Variants in BNIP5 observed in about 807,000 individuals in gnomAD.
BNIP5 encodes the protein protein BNIP5.
Under a neutral mutation model 67.3 loss-of-function variants are expected in BNIP5, and 61 were observed. The observed-to-expected ratio is 0.91, with a 90% CI of 0.74 to 1.12. BNIP5 has a LOEUF of 1.12. BNIP5 is among the 50% of genes most tolerant of loss of function. The probability of loss-of-function intolerance (pLI) is 0.00; values close to 1 mark genes in which losing one functional copy is unlikely to be tolerated. For missense variants in BNIP5, 826 were observed against 816.3 expected, an observed-to-expected ratio of 1.01 and a Z score of -0.14; for synonymous variants, 317 against 319.0, an observed-to-expected ratio of 0.99 and a Z score of 0.07.
chr6:36,325,135 G>T, intron 6 of BNIP5, 148 bp downstream of exon 6: 1 of 825,060 alleles, frequency 1.2e-6, no homozygotes, highest in Non-Finnish European at 2.0e-6. Context: ...CTGGGCTCTG[G>T]GCCCCAAGCT....
chr6:36,330,116 C>T lies in BNIP5; in HGVS notation c.575G>A (p.Arg192His), dbSNP rs41272160. The T allele has an allele frequency of 1.2e-3, 1,962 of 1,610,526 alleles. 6 individuals carry two copies. Among genetic ancestry groups the T allele is most frequent in the South Asian group, 5.3e-3 (486 of 91,024 alleles). The change falls in exon 2 of 12, where the codon CGC (arginine) becomes CAC (histidine). Residue 192 changes from arginine to histidine, a missense_variant. Transcript: ENST00000437635. ...TGGGCCCAGGTCAGCCTCCCCGGAG[C>T]GCAAGGCAGCAGCTGCCTTGGACAA... The part of the protein sequence containing the change: ...EGLSKAAAAL[R>H]SGEADLGPAR...
chr6:36,329,324 C>T (rs1223369469), intron 2 of BNIP5, among the ~76,000 whole-genome samples: 1 of 152,228 alleles, frequency 6.6e-6, no homozygotes, highest in Non-Finnish European at 1.5e-5. Flanking sequence ...AGCTATTGTG[C>T]ACTAAGCACT....
intron 10 of BNIP5, among the ~76,000 whole-genome samples, chr6:36,320,865 A>C (rs1344776371): frequency 2.0e-5 from 3 of 152,218 alleles, no homozygotes; most frequent in African/African-American, 4.8e-5. Flanking sequence ...CATGAGCCGA[A>C]CTTCAATAGC....
chr6:36,330,806 C>T, intron 1 of BNIP5, 112 bp from the exon 2 acceptor site: 3 of 1,372,118 alleles, frequency 2.2e-6, no homozygotes, highest in Non-Finnish European at 2.9e-6. Context: ...GTCTATTGCC[C>T]AGGCTGGAGT....
In BNIP5 at chr6:36,330,475, G is replaced by A. The variant is rs368964821; in HGVS notation, c.216C>T (p.Thr72=). The change falls in exon 2 of 12, where the codon ACC becomes ACT. Residue 72 remains threonine (T), a synonymous_variant. Transcript: ENST00000437635. ...TCTCCTCGGGAGTGGGGGCTGCAGC[G>A]GTGGTGCAGTGAGCCTCTGCAGATG... is the stretch of plus-strand genomic sequence containing the variant. ...PAPSAEAHCT[T]AAAPTPEETG... is the part of the protein sequence containing the mutation. The A allele has an allele frequency of 3.6e-5, 58 of 1,614,082 alleles. No individual in the cohort carries two copies. The highest frequency in any genetic ancestry group is 1.6e-4 in the Middle Eastern group (1 of 6,084).
At chr6:36,318,722 C>CA (rs1279452456) in intron 11 of BNIP5, among the ~76,000 whole-genome samples, 21 of 150,682 alleles carry the variant, frequency 1.4e-4, no homozygotes, top group Admixed American at 9.3e-4. Context: ...GACCCTGTCT[C>CA]AAAAAAAAAT....
intron 6 of BNIP5, among the ~76,000 whole-genome samples, chr6:36,324,441 C>A (rs1365023326): frequency 6.6e-6 from 1 of 150,970 alleles, no homozygotes; most frequent in Non-Finnish European, 1.5e-5. Flanking sequence ...TACAGGTGCC[C>A]TCATCCTGCA....
chr6:36,329,496 G>A (rs1044827817), intron 2 of BNIP5, among the ~76,000 whole-genome samples: 25 of 152,126 alleles, frequency 1.6e-4, no homozygotes, highest in African/African-American at 5.1e-4. Context: ...GCTCAGCCAC[G>A]GTGCTGTTCT....
intron 9 of BNIP5, 42 bp from the exon 10 acceptor site, chr6:36,321,261 G>C: frequency 2.1e-6 from 3 of 1,419,666 alleles, no homozygotes; most frequent in African/African-American, 1.4e-5. Context: ...TTGACTGGGT[G>C]ATGCCCAGTT....
At chr6:36,332,432 C>G (rs1475538715) in intron 1 of BNIP5, among the ~76,000 whole-genome samples, 2 of 152,166 alleles carry the variant, frequency 1.3e-5, no homozygotes, top group Non-Finnish European at 2.9e-5. Context: ...TGTTTCCTGT[C>G]TGAGTCTCTC....
rs1434121797 is a variant in BNIP5, at chr6:36,326,691, T to G, written c.855A>C (p.Lys285Asn). 1.2e-6 allele frequency: 2 copies of G among 1,614,078 alleles called. No homozygotes were observed. Among genetic ancestry groups the G allele is most frequent in the Non-Finnish European group, 1.7e-6 (2 of 1,180,048 alleles). ...LPNPAPAVRK[K>N]SQEKKTSLKR... ...TGAGGCTTGTCTTTTTCTCTTGGGA[T>G]TTCTTCCTAACAGCTGGTGCTGGGT... is the stretch of plus-strand genomic sequence containing the variant. The change falls in exon 5 of 12, where the codon AAA becomes AAC. Residue 285 changes from lysine (K) to asparagine (N), a missense_variant. Transcript: ENST00000437635.
At position 36,322,419 on chromosome 6, in the gene BNIP5, C is replaced by T; in HGVS notation, c.1495G>A (p.Glu499Lys). 1 of 1,613,846 alleles carries T rather than the reference C, an allele frequency of 6.2e-7. No homozygotes were observed. Among genetic ancestry groups the T allele is most frequent in the African/African-American group, 1.3e-5 (1 of 74,960 alleles). Residue 499 changes from glutamate (E) to lysine (K), a missense_variant, in exon 9 of 12, where the codon GAG becomes AAG. Coordinates refer to ENST00000437635, the MANE Select transcript of BNIP5 (RefSeq NM_001010903.5). ...GGCTCCCCTTCTGCGGGCAGGGGCT[C>T]CCGGCACTCGAGATCTTCTGGATCT... ...SLDPEDLECR[E>K]PLPAEGEPVV... is the part of the protein sequence containing the mutation.
At chr6:36,321,035 G>A (rs911116613) in intron 10 of BNIP5, 120 bp downstream of exon 10, 10 of 635,262 alleles carry the variant, frequency 1.6e-5, no homozygotes, top group Non-Finnish European at 2.5e-5. Flanking sequence ...AGAGGAAACC[G>A]AGACTCAGAG....
chr6:36,318,331 G>A (rs1042349846), intron 11 of BNIP5, among the ~76,000 whole-genome samples: 5 of 152,178 alleles, frequency 3.3e-5, no homozygotes, highest in African/African-American at 1.2e-4. Context: ...TCAAATGTTT[G>A]TAAGCAGGTT....
chr6:36,327,217 C>T, intron 3 of BNIP5, 123 bp from the exon 4 acceptor site: 4 of 845,860 alleles, frequency 4.7e-6, no homozygotes, highest in Non-Finnish European at 7.6e-6. Context: ...GAAAGCACCA[C>T]ATCCCAGGGG....
At chr6:36,319,640 G>A (rs760491286) in intron 10 of BNIP5, 30 bp from the exon 11 acceptor site, 1 of 1,596,542 alleles carries the variant, frequency 6.3e-7, no homozygotes, top group East Asian at 2.2e-5. Flanking sequence ...CAGGTCATTA[G>A]TGTTGCTGGC....
chr6:36,320,505 A>G (rs73406922), intron 10 of BNIP5, among the ~76,000 whole-genome samples: 3,580 of 152,314 alleles, frequency 0.024, 138 homozygotes, highest in African/African-American at 0.081. Flanking sequence ...CCTCAGGCAC[A>G]AGGAGGCAGG....
chr6:36,336,276 C>T (rs946341849), intron 1 of BNIP5, among the ~76,000 whole-genome samples: 7 of 152,172 alleles, frequency 4.6e-5, no homozygotes, highest in African/African-American at 1.7e-4. Context: ...AGGGGGTTCC[C>T]TCATGTACCT....
chr6:36,324,923 G>C (rs1246856976), intron 6 of BNIP5, among the ~76,000 whole-genome samples: 2 of 152,022 alleles, frequency 1.3e-5, no homozygotes, highest in Non-Finnish European at 2.9e-5. Context: ...ACTGAGACCA[G>C]AGATGAAGTA....
Sources: gnomAD v4.1 joint callset for allele counts (sites outside exome capture counted in the v4.1 genomes callset) on GRCh38, gnomAD v4.1.1 for gene constraint, MANE v1.5 for transcripts, NCBI Gene and HGNC (gene_info 2026-07-23, HGNC 2026-07-21) for gene names.